The following PITPNC1 variants were observed in gnomAD, a reference collection of about 807,000 sequenced individuals.
PITPNC1 encodes cytoplasmic phosphatidylinositol transfer protein 1.
Under a neutral mutation model 44.7 loss-of-function variants are expected in PITPNC1, and 18 were observed. That is an observed-to-expected ratio of 0.40 (90% CI 0.28 to 0.60). PITPNC1 has a LOEUF of 0.60. Ranked by LOEUF, PITPNC1 falls within the 20% of genes least tolerant of loss-of-function variation. The pLI, the probability that PITPNC1 is intolerant of heterozygous loss-of-function variation, is 0.39. For missense variants in PITPNC1, 290 were observed against 418.4 expected, an observed-to-expected ratio of 0.69 and a Z score of 2.68; for synonymous variants, 141 against 149.6, an observed-to-expected ratio of 0.94 and a Z score of 0.42.
chr17:67,605,035 C>T (rs544556205), intron 5 of PITPNC1, among the ~76,000 whole-genome samples: 4 of 151,186 alleles, frequency 2.6e-5, no homozygotes, highest in South Asian at 4.2e-4. Context: ...GCCGAAATCG[C>T]GCCATTGCAC....
intron 1 of PITPNC1, among the ~76,000 whole-genome samples, chr17:67,459,406 C>T (rs185078716): frequency 1.7e-3 from 252 of 152,312 alleles, no homozygotes; most frequent in East Asian, 0.013. Context: ...GCGTGAGCCA[C>T]CGTGCCCAGC....
At chr17:67,628,815 A>C (rs2041928333) in intron 5 of PITPNC1, among the ~76,000 whole-genome samples, 3 of 152,096 alleles carry the variant, frequency 2.0e-5, no homozygotes, top group Admixed American at 1.3e-4. Flanking sequence ...GCAACTATGC[A>C]CTCCAGGCTT....
chr17:67,422,883 G>A (rs1355259515), intron 1 of PITPNC1, among the ~76,000 whole-genome samples: 3 of 152,112 alleles, frequency 2.0e-5, no homozygotes, highest in East Asian at 3.8e-4. Context: ...GTGTATGTAC[G>A]TGCCTCAGTG....
intron 1 of PITPNC1, among the ~76,000 whole-genome samples, chr17:67,414,942 A>G (rs772169118): frequency 1.6e-4 from 24 of 151,982 alleles, no homozygotes; most frequent in Non-Finnish European, 2.6e-4. Context: ...GTGCAGTGGT[A>G]TGATCTTGGC....
At chr17:67,431,062 CTTT>C (rs6146118) in intron 1 of PITPNC1, among the ~76,000 whole-genome samples, 5 of 133,058 alleles carry the variant, frequency 3.8e-5, no homozygotes, top group African/African-American at 1.1e-4. Flanking sequence ...GTTACTGTTT[CTTT>C]TTTTTTTTTT....
chr17:67,528,096 CAGT>C (rs1307557529), intron 1 of PITPNC1, among the ~76,000 whole-genome samples: 8 of 152,284 alleles, frequency 5.3e-5, no homozygotes, highest in Middle Eastern at 3.4e-3. Context: ...GGCTGGAGTG[CAGT>C]GGCGTGATGT....
chr17:67,483,446 A>C (rs2039730411), intron 1 of PITPNC1, among the ~76,000 whole-genome samples: 1 of 152,234 alleles, frequency 6.6e-6, no homozygotes, highest in African/African-American at 2.4e-5. Flanking sequence ...TGTGACAACA[A>C]AAATAAAATA....
chr17:67,385,487 C>T (rs932548090), intron 1 of PITPNC1, among the ~76,000 whole-genome samples: 6 of 145,244 alleles, frequency 4.1e-5, no homozygotes, highest in Admixed American at 1.4e-4. Context: ...CCCCTCCCCC[C>T]TCCCCTCCCC....
intron 5 of PITPNC1, among the ~76,000 whole-genome samples, chr17:67,604,279 G>A (rs2041580770): frequency 6.6e-6 from 1 of 152,218 alleles, no homozygotes; most frequent in South Asian, 2.1e-4. Context: ...GACATGGATG[G>A]AAGGCAGAGC....
chr17:67,390,371 A>G (rs1032278956), intron 1 of PITPNC1, among the ~76,000 whole-genome samples: 1 of 152,188 alleles, frequency 6.6e-6, no homozygotes, highest in African/African-American at 2.4e-5. Flanking sequence ...AGGAGTCCCC[A>G]CAAGGGCATG....
chr17:67,661,061 G>C (rs1189297975), intron 6 of PITPNC1, among the ~76,000 whole-genome samples: 1 of 144,158 alleles, frequency 6.9e-6, no homozygotes, highest in Non-Finnish European at 1.5e-5. Flanking sequence ...TAGTAGAGAT[G>C]GGGTTTTACT....
chr17:67,663,510 C>T (rs1168558636), intron 6 of PITPNC1, among the ~76,000 whole-genome samples: 1 of 150,480 alleles, frequency 6.6e-6, no homozygotes, highest in African/African-American at 2.5e-5. Flanking sequence ...GCGGAGCTTA[C>T]AGTGAGCCGA....
At chr17:67,554,253 A>ATTTTTTTTT (rs11413972) in intron 4 of PITPNC1, among the ~76,000 whole-genome samples, 4 of 111,128 alleles carry the variant, frequency 3.6e-5, no homozygotes, top group Admixed American at 1.1e-4. Flanking sequence ...ATAGTTTATG[A>ATTTTTTTTT]TTTTTTTTTT....
At chr17:67,441,325 C>T (rs909849258) in intron 1 of PITPNC1, among the ~76,000 whole-genome samples, 7 of 148,350 alleles carry the variant, frequency 4.7e-5, no homozygotes, top group African/African-American at 1.5e-4. Flanking sequence ...GTGTCTCAAA[C>T]GCATTTCCCA....
intron 1 of PITPNC1, among the ~76,000 whole-genome samples, chr17:67,428,667 A>G (rs2038808573): frequency 6.6e-6 from 1 of 152,194 alleles, no homozygotes; most frequent in Non-Finnish European, 1.5e-5. Flanking sequence ...ACAAATATTT[A>G]ATAATGAATA....
chr17:67,538,754 C>A (rs962240767), intron 2 of PITPNC1, among the ~76,000 whole-genome samples: 5 of 151,484 alleles, frequency 3.3e-5, no homozygotes, highest in Non-Finnish European at 5.9e-5. Context: ...ATTAATATTA[C>A]AACACTAAAA....
intron 2 of PITPNC1, among the ~76,000 whole-genome samples, chr17:67,550,204 CAAG>C (rs1390993526): frequency 2.0e-5 from 3 of 152,150 alleles, no homozygotes; most frequent in Admixed American, 1.3e-4. Context: ...ATCAGAGCAG[CAAG>C]AAGGATTGTT....
At chr17:67,545,245 AG>A (rs1568034691) in intron 2 of PITPNC1, among the ~76,000 whole-genome samples, 1 of 152,022 alleles carries the variant, frequency 6.6e-6, no homozygotes, top group African/African-American at 2.4e-5. Context: ...CCAAGGGTTC[AG>A]GGTTGCAGTG....
chr17:67,484,353 C>A (rs1034510348), intron 1 of PITPNC1, among the ~76,000 whole-genome samples: 7 of 152,122 alleles, frequency 4.6e-5, no homozygotes, highest in African/African-American at 7.2e-5. Flanking sequence ...TCATTTATAG[C>A]CAACTTTTTC....
Sources: allele counts gnomAD v4.1 joint callset (sites outside exome capture counted in the v4.1 genomes callset), GRCh38; gene constraint gnomAD v4.1.1; transcripts MANE v1.5; gene names NCBI Gene and HGNC (gene_info 2026-07-23, HGNC 2026-07-21).